Variants in ROBO2 observed in about 807,000 individuals in gnomAD.
ROBO2 encodes the protein roundabout homolog 2.
In ROBO2, 53 loss-of-function variants were observed where a neutral mutation model predicts 160.8. That is an observed-to-expected ratio of 0.33 (90% CI 0.26 to 0.41). ROBO2 has a LOEUF of 0.41. Among genes scored for constraint, ROBO2 ranks in the 10% least tolerant of loss-of-function variants. The pLI is 1.00. For synonymous variants in ROBO2, 664 were observed against 611.7 expected, an observed-to-expected ratio of 1.09 and a Z score of -1.26; for missense variants, 1,577 against 1,722.4, an observed-to-expected ratio of 0.92 and a Z score of 1.49.
At chr3:76,140,538 G>C (rs66617833) in intron 2 of ROBO2, among the ~76,000 whole-genome samples, 46,435 of 151,660 alleles carry the variant, frequency 0.31, 7,407 homozygotes, top group Non-Finnish European at 0.34. Context: ...AAGGTCAACA[G>C]TGAAATCCTA....
chr3:76,093,701 TAA>T (rs2069325546), intron 2 of ROBO2, among the ~76,000 whole-genome samples: 1 of 151,660 alleles, frequency 6.6e-6, no homozygotes, highest in South Asian at 2.1e-4. Context: ...TTATTTCAGT[TAA>T]AGAGGGATGA....
chr3:77,339,589 A>C (rs750679889), intron 2 of ROBO2, among the ~76,000 whole-genome samples: 4 of 152,086 alleles, frequency 2.6e-5, no homozygotes, highest in Non-Finnish European at 1.5e-5. Context: ...TAATGAAAGA[A>C]AAGTTGTTTT....
chr3:76,001,762 C>G (rs2065895773), intron 2 of ROBO2, among the ~76,000 whole-genome samples: 2 of 152,120 alleles, frequency 1.3e-5, no homozygotes, highest in Non-Finnish European at 2.9e-5. Flanking sequence ...CCAGGCTGGT[C>G]TTGAACTCTT....
At chr3:76,969,173 A>G (rs566630651) in intron 2 of ROBO2, among the ~76,000 whole-genome samples, 1 of 152,370 alleles carries the variant, frequency 6.6e-6, no homozygotes, top group Non-Finnish European at 1.5e-5. Context: ...ATAAAGTGGC[A>G]GAAAATTTCA....
At chr3:77,292,976 T>A (rs1216906208) in intron 2 of ROBO2, among the ~76,000 whole-genome samples, 112 of 120,582 alleles carry the variant, frequency 9.3e-4, no homozygotes, top group South Asian at 7.9e-3. Context: ...CCAAAGACAT[T>A]AAGTAAAATT....
At chr3:77,011,092 TTTCTATCTTTC>T (rs2061888755) in intron 2 of ROBO2, among the ~76,000 whole-genome samples, 1 of 109,656 alleles carries the variant, frequency 9.1e-6, no homozygotes, top group African/African-American at 5.0e-5. Flanking sequence ...TTTCTTTTTC[TTTCTATCTTTC>T]TTCTTTCTTT....
intron 21 of ROBO2, among the ~76,000 whole-genome samples, chr3:77,613,089 T>G (rs2153699799): frequency 6.6e-6 from 1 of 152,336 alleles, no homozygotes; most frequent in African/African-American, 2.4e-5. Flanking sequence ...ATTTATATGG[T>G]TAGGCTCTCC....
At chr3:76,808,892 G>A (rs979642139) in intron 2 of ROBO2, among the ~76,000 whole-genome samples, 6 of 151,948 alleles carry the variant, frequency 3.9e-5, no homozygotes, top group African/African-American at 1.4e-4. Context: ...TGGAAATGAT[G>A]GTACAGGAAG....
chr3:76,265,244 C>T (rs1455175115), intron 2 of ROBO2, among the ~76,000 whole-genome samples: 1 of 152,106 alleles, frequency 6.6e-6, no homozygotes, highest in Non-Finnish European at 1.5e-5. Context: ...AGACTATATT[C>T]TCCTTTAGGA....
At chr3:76,946,893 G>A (rs569556506) in intron 2 of ROBO2, among the ~76,000 whole-genome samples, 1 of 152,320 alleles carries the variant, frequency 6.6e-6, no homozygotes, top group South Asian at 2.1e-4. Context: ...CAAAGATAGG[G>A]CTAATTTTAT....
At chr3:77,130,194 G>A (rs965729170) in intron 2 of ROBO2, among the ~76,000 whole-genome samples, 1 of 151,976 alleles carries the variant, frequency 6.6e-6, no homozygotes, top group Non-Finnish European at 1.5e-5. Context: ...GTCAACTTCC[G>A]ATGGCCGGCC....
chr3:77,403,188 A>G (rs753023668), intron 2 of ROBO2, among the ~76,000 whole-genome samples: 3 of 152,222 alleles, frequency 2.0e-5, no homozygotes, highest in East Asian at 1.9e-4. Flanking sequence ...GCTAGTTAAC[A>G]TGTGCATTGT....
intron 2 of ROBO2, among the ~76,000 whole-genome samples, chr3:77,207,394 T>C (rs954974156): frequency 6.6e-6 from 1 of 152,232 alleles, no homozygotes; most frequent in Non-Finnish European, 1.5e-5. Context: ...CTAACTCTTC[T>C]ATATGACATA....
chr3:76,893,524 T>A (rs2074520144), intron 2 of ROBO2, among the ~76,000 whole-genome samples: 1 of 151,450 alleles, frequency 6.6e-6, no homozygotes, highest in South Asian at 2.1e-4. Flanking sequence ...TTCATTTTTC[T>A]TTTTTCTTTT....
intron 2 of ROBO2, among the ~76,000 whole-genome samples, chr3:76,796,237 A>G (rs1383569735): frequency 6.6e-6 from 1 of 152,116 alleles, no homozygotes; most frequent in African/African-American, 2.4e-5. Context: ...TGAGAGTCTT[A>G]GGTGGTATCT....
chr3:76,810,574 G>A (rs2065083638), intron 2 of ROBO2, among the ~76,000 whole-genome samples: 1 of 152,070 alleles, frequency 6.6e-6, no homozygotes, highest in East Asian at 1.9e-4. Flanking sequence ...CCAGCTAGGA[G>A]ATAAACTTAG....
rs947574163 is a variant in ROBO2 at position 76,046,541 on chromosome 3, G to C, written c.109+108939G>C. On this transcript the variant is annotated intron_variant, in intron 2 of 26. Transcript: ENST00000487694. ...GCAGCGCCTGCAGTCCCAGCTACTC[G>C]GGAGGCTGAGGCAGGAGAATGGCGT... is the stretch of plus-strand genomic sequence containing the variant. Among the ~76,000 whole-genome samples the C allele has an allele frequency of 2.6e-5, 4 of 151,820 alleles. No homozygotes were observed. In the East Asian group the frequency reaches 7.7e-4, roughly 29 times the overall value.
At chr3:77,379,050 C>A (rs934318869) in intron 2 of ROBO2, among the ~76,000 whole-genome samples, 11 of 151,766 alleles carry the variant, frequency 7.2e-5, no homozygotes, top group African/African-American at 2.7e-4. Context: ...CAGGTTCAAG[C>A]GATTCTCCTG....
In ROBO2 at chr3:76,086,157, G is replaced by T. The variant is rs536199637; in HGVS notation, c.109+148555G>T. On this transcript the variant is annotated intron_variant, in intron 2 of 26. Transcript: ENST00000487694. ...AATTGACTCACAGTACGGCCTGGCTGCAGAAGCCTTAGGAAACTTACAATC... is the reference window on the plus strand; with the variant it reads ...AATTGACTCACAGTACGGCCTGGCTTCAGAAGCCTTAGGAAACTTACAATC... Among the ~76,000 whole-genome samples, 19 of 152,224 alleles carry T rather than the reference G, an allele frequency of 1.2e-4. No homozygotes were observed. The South Asian group carries it at 3.5e-3, about 28-fold the overall frequency.
Sources: allele counts gnomAD v4.1 joint callset (sites outside exome capture counted in the v4.1 genomes callset), GRCh38; gene constraint gnomAD v4.1.1; transcripts MANE v1.5; gene names NCBI Gene and HGNC (gene_info 2026-07-23, HGNC 2026-07-21).